The following ENOX1 variants were observed in gnomAD, a reference collection of about 807,000 sequenced individuals.
The protein encoded by ENOX1 is ecto-NOX disulfide-thiol exchanger 1.
In ENOX1, 42 loss-of-function variants were observed where a neutral mutation model predicts 82.5. That is an observed-to-expected ratio of 0.51 (90% CI 0.40 to 0.66). The LOEUF (loss-of-function observed/expected upper bound fraction) is 0.66, where lower values mean the gene tolerates loss of function less well. Among genes scored for constraint, ENOX1 ranks in the 30% least tolerant of loss-of-function variants. ENOX1 has a pLI of 0.00. For synonymous variants in ENOX1, 271 were observed against 282.2 expected (o/e 0.96, Z 0.40); for missense variants, 608 against 811.6 (o/e 0.75, Z 3.05).
chr13:43,594,106 C>T (rs9533539), intron 2 of ENOX1, among the ~76,000 whole-genome samples: 19,822 of 152,206 alleles, frequency 0.13, 1,830 homozygotes, highest in East Asian at 0.47. Flanking sequence ...CTTCTAATAT[C>T]TCTGCACCAT....
At chr13:43,469,474 A>G (rs1375104829) in intron 3 of ENOX1, among the ~76,000 whole-genome samples, 1 of 151,998 alleles carries the variant, frequency 6.6e-6, no homozygotes, top group East Asian at 1.9e-4. Flanking sequence ...TTACAATTGT[A>G]GTTTCATCTA....
chr13:43,655,813 T>A (rs1295723284), intron 2 of ENOX1, among the ~76,000 whole-genome samples: 1 of 152,142 alleles, frequency 6.6e-6, no homozygotes, highest in Non-Finnish European at 1.5e-5. Context: ...CCTCTCCTCT[T>A]AATATGTTCC....
chr13:43,571,995 G>A (rs1172114137), intron 2 of ENOX1, among the ~76,000 whole-genome samples: 1 of 152,020 alleles, frequency 6.6e-6, no homozygotes, highest in Non-Finnish European at 1.5e-5. Flanking sequence ...GAGCAGAAAG[G>A]TCTCCTAGGC....
chr13:43,598,757 T>G (rs2153730364), intron 2 of ENOX1, among the ~76,000 whole-genome samples: 1 of 152,174 alleles, frequency 6.6e-6, no homozygotes, highest in Admixed American at 6.6e-5. Flanking sequence ...AAACTATGGG[T>G]CATGTTTAAG....
chr13:43,749,892 C>A (rs752756652), intron 1 of ENOX1, among the ~76,000 whole-genome samples: 1 of 152,076 alleles, frequency 6.6e-6, no homozygotes, highest in Non-Finnish European at 1.5e-5. Context: ...TTTATTAGTC[C>A]TCCCAACATA....
At chr13:43,415,756 T>C (rs113823326) in intron 3 of ENOX1, among the ~76,000 whole-genome samples, 15,546 of 151,910 alleles carry the variant, frequency 0.1, 1,238 homozygotes, top group African/African-American at 0.22. Context: ...CGATGGTCGC[T>C]ATCTCTTCGG....
chr13:43,382,556 T>G (rs543363100), intron 5 of ENOX1, among the ~76,000 whole-genome samples: 2 of 152,232 alleles, frequency 1.3e-5, no homozygotes, highest in East Asian at 3.9e-4. Context: ...TACATAAAAT[T>G]CTGGAAAATG....
At chr13:43,391,657 T>A (rs1411630199) in intron 5 of ENOX1, among the ~76,000 whole-genome samples, 2 of 152,072 alleles carry the variant, frequency 1.3e-5, no homozygotes, top group African/African-American at 4.8e-5. Context: ...CATCACAAAA[T>A]CCTAAGGCTT....
At chr13:43,745,335 T>C (rs1366386288) in intron 1 of ENOX1, among the ~76,000 whole-genome samples, 1 of 151,926 alleles carries the variant, frequency 6.6e-6, no homozygotes, top group East Asian at 1.9e-4. Flanking sequence ...GAAAATAACA[T>C]TAAATGAAAA....
chr13:43,661,020 C>G (rs947207009), intron 2 of ENOX1, among the ~76,000 whole-genome samples: 3 of 152,140 alleles, frequency 2.0e-5, no homozygotes, highest in African/African-American at 7.2e-5. Context: ...TCACTACCAT[C>G]TTATAAAAAG....
At chr13:43,506,991 A>G (rs913016083) in intron 2 of ENOX1, among the ~76,000 whole-genome samples, 2 of 152,004 alleles carry the variant, frequency 1.3e-5, no homozygotes, top group African/African-American at 4.8e-5. Flanking sequence ...TATAATAAAA[A>G]AAAACCCTTG....
At chr13:43,727,965 TC>T (rs1219282167) in intron 1 of ENOX1, among the ~76,000 whole-genome samples, 1 of 152,136 alleles carries the variant, frequency 6.6e-6, no homozygotes, top group Non-Finnish European at 1.5e-5. Context: ...AACAAAAGCT[TC>T]CCCAACGCTA....
At chr13:43,728,499 T>A (rs945845603) in intron 1 of ENOX1, among the ~76,000 whole-genome samples, 3 of 152,192 alleles carry the variant, frequency 2.0e-5, no homozygotes, top group Non-Finnish European at 1.5e-5. Flanking sequence ...TAATACCCTA[T>A]CCCCTCAGTG....
chr13:43,600,296 A>G (rs1275120923), intron 2 of ENOX1, among the ~76,000 whole-genome samples: 1 of 152,180 alleles, frequency 6.6e-6, no homozygotes, highest in African/African-American at 2.4e-5. Context: ...GCCAGAGAGA[A>G]GTTCACTGCC....
chr13:43,639,980 G>C (rs1305819957), intron 2 of ENOX1, among the ~76,000 whole-genome samples: 1 of 152,120 alleles, frequency 6.6e-6, no homozygotes. Context: ...AATGAGCTGA[G>C]ATCGCATCAC....
At chr13:43,643,595 CTGTA>C (rs2083754998) in intron 2 of ENOX1, among the ~76,000 whole-genome samples, 1 of 151,162 alleles carries the variant, frequency 6.6e-6, no homozygotes, top group African/African-American at 2.4e-5. Flanking sequence ...TGAAGACATC[CTGTA>C]TGTATGTGCA....
At chr13:43,414,149 T>C (rs890762131) in intron 3 of ENOX1, among the ~76,000 whole-genome samples, 1 of 152,170 alleles carries the variant, frequency 6.6e-6, no homozygotes. Context: ...CCTTGAGCAC[T>C]GCACTGTCAA....
intron 11 of ENOX1, among the ~76,000 whole-genome samples, chr13:43,314,490 C>A (rs2047372433): frequency 6.6e-6 from 1 of 152,162 alleles, no homozygotes; most frequent in Admixed American, 6.5e-5. Flanking sequence ...AGCTCATGTG[C>A]AACAGTGTTA....
At chr13:43,756,195 G>A (rs941155167) in intron 1 of ENOX1, among the ~76,000 whole-genome samples, 12 of 152,066 alleles carry the variant, frequency 7.9e-5, no homozygotes, top group African/African-American at 2.9e-4. Flanking sequence ...GGGAGGCCAA[G>A]GCAGGTGGAT....
Sources: gnomAD v4.1 joint callset for allele counts (sites outside exome capture counted in the v4.1 genomes callset) on GRCh38, gnomAD v4.1.1 for gene constraint, MANE v1.5 for transcripts, NCBI Gene and HGNC (gene_info 2026-07-23, HGNC 2026-07-21) for gene names.